Variants in FHIP2A observed in about 807,000 individuals in gnomAD.
FHIP2A encodes the protein family with sequence similarity 160 member B1.
A neutral mutation model predicts 93.5 loss-of-function variants in FHIP2A; 46 were observed. That is an observed-to-expected ratio of 0.49 (90% CI 0.39 to 0.63). FHIP2A has a LOEUF of 0.63. Among genes scored for constraint, FHIP2A ranks in the 20% least tolerant of loss-of-function variants. The pLI is 0.00. For synonymous variants in FHIP2A, 332 were observed against 326.5 expected, an observed-to-expected ratio of 1.02 and a Z score of -0.18; for missense variants, 769 against 909.7, an observed-to-expected ratio of 0.85 and a Z score of 1.99.
Position 114,863,279 on chromosome 10 carries a change from A to G in FHIP2A, c.*1739A>G, listed in dbSNP as rs920512547. On this transcript the variant is annotated 3_prime_UTR_variant, in exon 17 of 17. Transcript: ENST00000369248. ...TTTTTAATCACTTCATACAAGGAAA[A>G]CTTCGACATTTACATTTCTAGATGT... 1 of 983,526 alleles carries G rather than the reference A, an allele frequency of 1.0e-6. No individual in the cohort carries two copies. The highest frequency in any genetic ancestry group is 1.7e-5 in the African/African-American group (1 of 57,208). 60.9% of individuals were successfully genotyped at this position (983,526 alleles called of 1,614,324 possible). A position where few individuals can be genotyped will look rare whatever the true frequency, so the allele number is the denominator to read the frequency against.
intron 6 of FHIP2A, 37 bp downstream of exon 6, chr10:114,843,263 A>T (rs770007251): frequency 7.7e-7 from 1 of 1,305,726 alleles, no homozygotes; most frequent in Non-Finnish European, 1.0e-6. Context: ...CCCTAACATT[A>T]TTTCAATAAT....
At chr10:114,848,845 T>C (rs771829798) in intron 13 of FHIP2A, 108 bp downstream of exon 13, 27 of 733,414 alleles carry the variant, frequency 3.7e-5, no homozygotes, top group Non-Finnish European at 5.7e-5. Context: ...TTCATTCTTA[T>C]TAAAAATGAG....
rs750264011 is a variant in FHIP2A, at chr10:114,855,350, T to C, written c.1947+10T>C. ...AAGAATTCTTGATCAGGTAATACATTTTAAAATACTAATTTTCATATTTTT... is the reference window on the plus strand; with the variant it reads ...AAGAATTCTTGATCAGGTAATACATCTTAAAATACTAATTTTCATATTTTT... On this transcript the variant is annotated intron_variant, in intron 14 of 16. Coordinates refer to ENST00000369248, the MANE Select transcript of FHIP2A (RefSeq NM_020940.4). 29 of 1,600,062 alleles carry C rather than the reference T, an allele frequency of 1.8e-5. No individual in the cohort carries two copies. The highest frequency in any genetic ancestry group is 2.5e-5 in the Non-Finnish European group (29 of 1,173,158).
At chr10:114,871,667 A>C (rs1592029626) in intron 16 of FHIP2A, among the ~76,000 whole-genome samples, 1 of 152,096 alleles carries the variant, frequency 6.6e-6, no homozygotes, top group South Asian at 2.1e-4. Context: ...AGCATCTTCC[A>C]CTGTTAACCC....
Position 114,845,476 on chromosome 10 carries a change from C to A in FHIP2A, c.1123C>A (p.Gln375Lys). Residue 375 changes from glutamine (Q) to lysine (K), a missense_variant, in exon 8 of 17, where the codon CAA (glutamine) becomes AAA (lysine). Transcript: ENST00000369248. ...TTGTGATCAGCTCATTAAGGAAGCCCAAAAGGTTTGTAATTTTTTATTGTT... is the reference window on the plus strand; with the variant it reads ...TTGTGATCAGCTCATTAAGGAAGCCAAAAAGGTTTGTAATTTTTTATTGTT... ...DYCDQLIKEA[Q>K]KTAAVALAKA... is the part of the protein sequence containing the mutation. 1 of 1,587,010 alleles carries A rather than the reference C, an allele frequency of 6.3e-7. No individual in the cohort carries two copies. The highest frequency in any genetic ancestry group is 8.6e-7 in the Non-Finnish European group (1 of 1,160,926).
At chr10:114,856,872 G>A (rs991597842) in intron 14 of FHIP2A, among the ~76,000 whole-genome samples, 7 of 152,158 alleles carry the variant, frequency 4.6e-5, no homozygotes, top group African/African-American at 1.7e-4. Flanking sequence ...TTACAAATGA[G>A]GAATCTTTGG....
chr10:114,840,205 A>G (rs1407371661), intron 5 of FHIP2A, among the ~76,000 whole-genome samples: 1 of 152,220 alleles, frequency 6.6e-6, no homozygotes. Flanking sequence ...CCTGAGCAAC[A>G]TAGCAAGACC....
chr10:114,832,494 A>G (rs1326432525), intron 2 of FHIP2A, among the ~76,000 whole-genome samples: 1 of 152,134 alleles, frequency 6.6e-6, no homozygotes, highest in Non-Finnish European at 1.5e-5. Context: ...ATTTGCCTTC[A>G]TGTTCAAGGC....
At chr10:114,856,061 G>A (rs1289974054) in intron 14 of FHIP2A, among the ~76,000 whole-genome samples, 1 of 152,112 alleles carries the variant, frequency 6.6e-6, no homozygotes, top group Admixed American at 6.5e-5. Context: ...GAAACTGAGT[G>A]GACCAATTTG....
chr10:114,835,426 C>A, intron 3 of FHIP2A, 111 bp from the exon 4 acceptor site: 1 of 587,646 alleles, frequency 1.7e-6, no homozygotes, highest in African/African-American at 1.8e-5. Context: ...ATTGTCTTTT[C>A]AAGGTGGAAT....
intron 8 of FHIP2A, 79 bp downstream of exon 8, chr10:114,845,560 T>C (rs1200609809): frequency 1.2e-6 from 1 of 810,002 alleles, no homozygotes; most frequent in Non-Finnish European, 2.0e-6. Context: ...CTAATTTATA[T>C]CCCAAATACA....
At chr10:114,877,510 C>CA (rs2143014803) in intron 16 of FHIP2A, among the ~76,000 whole-genome samples, 1 of 151,900 alleles carries the variant, frequency 6.6e-6, no homozygotes, top group South Asian at 2.1e-4. Flanking sequence ...AGGATCGAAT[C>CA]ACCTACAAAG....
In FHIP2A at chr10:114,860,854, C is replaced by T; in HGVS notation, c.2053C>T (p.Pro685Ser). The change falls in exon 15 of 17, where the codon CCT becomes TCT. Residue 685 changes from proline to serine, a missense_variant. Transcript: ENST00000369248. Reference sequence around the variant, plus strand: ...TTTGGATCCTTACGTGAACCTCGCTCCTGGCTGTAGATCTCTCTTCTCTGT... The same window carrying T: ...TTTGGATCCTTACGTGAACCTCGCTTCTGGCTGTAGATCTCTCTTCTCTGT... Reference protein sequence around the residue: ...YLLDPYVNLAPGCRSLFSVIV... With the variant: ...YLLDPYVNLASGCRSLFSVIV... 1 of 1,613,714 alleles carries T rather than the reference C, an allele frequency of 6.2e-7. No individual in the cohort carries two copies. Among genetic ancestry groups the T allele is most frequent in the Non-Finnish European group, 8.5e-7 (1 of 1,179,668 alleles).
chr10:114,867,692 A>T (rs2083836602), downstream of FHIP2A, among the ~76,000 whole-genome samples: 1 of 152,154 alleles, frequency 6.6e-6, no homozygotes, highest in Non-Finnish European at 1.5e-5. Flanking sequence ...GCCACGTGCC[A>T]GATGTGCATG....
At chr10:114,838,211 T>A (rs2143010613) in intron 5 of FHIP2A, among the ~76,000 whole-genome samples, 1 of 152,352 alleles carries the variant, frequency 6.6e-6, no homozygotes, top group Non-Finnish European at 1.5e-5. Flanking sequence ...TATTTTTAAA[T>A]GTTAACCACT....
intron 16 of FHIP2A, among the ~76,000 whole-genome samples, chr10:114,881,231 A>T (rs1420852715): frequency 2.0e-5 from 3 of 152,244 alleles, no homozygotes; most frequent in East Asian, 3.9e-4. Context: ...TATGCCTTTG[A>T]TTTACAGAAG....
chr10:114,899,507 G>T (rs1191346503), exon 17 of FHIP2A: 2 of 718,362 alleles, frequency 2.8e-6, no homozygotes, highest in African/African-American at 3.5e-5. Flanking sequence ...TTGCCTTCAT[G>T]GTGGTAAGAG....
intron 8 of FHIP2A, among the ~76,000 whole-genome samples, chr10:114,845,775 A>G (rs1177906542): frequency 1.3e-5 from 2 of 152,140 alleles, no homozygotes; most frequent in Admixed American, 6.5e-5. Context: ...TTAATACTAT[A>G]TGGACATTGG....
rs1343167581 is a variant in FHIP2A at position 114,886,591 on chromosome 10, C to T, written c.2193-12899C>T. ...ACAGAGTCTCGCTTTGTCACCCAGG[C>T]TGGAGTGCAGTGGTGTGATATCGGC... On this transcript the variant is annotated intron_variant, in intron 16 of 16. Transcript: ENST00000369250. 3.3e-5 allele frequency among the ~76,000 whole-genome samples: 5 copies of T among 152,292 alleles called. No homozygotes were observed. The East Asian group carries it at 9.7e-4, about 29-fold the overall frequency.
Sources: gnomAD v4.1 joint callset for allele counts (sites outside exome capture counted in the v4.1 genomes callset) on GRCh38, gnomAD v4.1.1 for gene constraint, MANE v1.5 for transcripts, NCBI Gene and HGNC (gene_info 2026-07-23, HGNC 2026-07-21) for gene names.